PREX2: variants seen among roughly 807,000 people sequenced by gnomAD.
PREX2 encodes phosphatidylinositol 3,4,5-trisphosphate-dependent Rac exchanger 2 protein.
Under a neutral mutation model 203.2 loss-of-function variants are expected in PREX2, and 107 were observed. That is an observed-to-expected ratio of 0.53 (90% confidence interval 0.45 to 0.62). PREX2 has a LOEUF of 0.62. Among genes scored for constraint, PREX2 ranks in the 20% least tolerant of loss-of-function variants. The probability of loss-of-function intolerance (pLI) is 0.00; values close to 1 mark genes in which losing one functional copy is unlikely to be tolerated. For synonymous variants in PREX2, 672 were observed against 663.6 expected (o/e 1.01, Z -0.19); for missense variants, 1,777 against 1,955.9 (o/e 0.91, Z 1.72).
At chr8:67,982,934 T>A (rs1432256939) in intron 1 of PREX2, among the ~76,000 whole-genome samples, 2 of 152,236 alleles carry the variant, frequency 1.3e-5, no homozygotes, top group Non-Finnish European at 2.9e-5. Context: ...GCCTTTAGCA[T>A]CTTCTTTGTG....
At chr8:68,159,316 A>G (rs1811607901) in intron 35 of PREX2, among the ~76,000 whole-genome samples, 1 of 152,220 alleles carries the variant, frequency 6.6e-6, no homozygotes. Flanking sequence ...GAACCAATTT[A>G]TTTGCAAAAT....
chr8:68,186,060 A>C (rs796395519), intron 35 of PREX2, among the ~76,000 whole-genome samples: 3 of 123,038 alleles, frequency 2.4e-5, no homozygotes, highest in African/African-American at 9.8e-5. Flanking sequence ...TGTCCTGTCC[A>C]CAGTTTGTCA....
chr8:67,976,882 C>T (rs1402656740), intron 1 of PREX2, among the ~76,000 whole-genome samples: 4 of 152,018 alleles, frequency 2.6e-5, no homozygotes, highest in Non-Finnish European at 4.4e-5. Context: ...GTGATGGAGC[C>T]ATCTTAAAAA....
In PREX2 at chr8:68,114,802, C is replaced by T. The variant is rs185892212; in HGVS notation, c.3147-951C>T. ...CCCAAGGCCAAGACTCCTGTTTGTA[C>T]GAGCAGGGAGACGGATAGACAATCC... On this transcript the variant is annotated intron_variant, in intron 25 of 39. Coordinates refer to ENST00000288368, the MANE Select transcript of PREX2 (RefSeq NM_024870.4). 4.7e-4 allele frequency among the ~76,000 whole-genome samples: 72 copies of T among 152,214 alleles called. 1 individual carries two copies. The South Asian group carries it at 0.012, about 26-fold the overall frequency.
At chr8:68,032,087 G>A (rs1180850180) in intron 6 of PREX2, among the ~76,000 whole-genome samples, 1 of 152,118 alleles carries the variant, frequency 6.6e-6, no homozygotes, top group Admixed American at 6.6e-5. Context: ...TTACTCAAAG[G>A]AAGAATGAAT....
At chr8:68,158,749 T>G (rs1811597706) in intron 35 of PREX2, among the ~76,000 whole-genome samples, 2 of 152,182 alleles carry the variant, frequency 1.3e-5, no homozygotes, top group African/African-American at 2.4e-5. Flanking sequence ...GCCTGTTAAT[T>G]AAAATAGCTT....
At chr8:67,967,859 C>A (rs1805818041) in intron 1 of PREX2, among the ~76,000 whole-genome samples, 1 of 152,084 alleles carries the variant, frequency 6.6e-6, no homozygotes, top group Admixed American at 6.5e-5. Flanking sequence ...CATGTTCTCA[C>A]TCATAGGTGG....
intron 1 of PREX2, among the ~76,000 whole-genome samples, chr8:67,964,047 C>G (rs1805704174): frequency 6.6e-6 from 1 of 152,114 alleles, no homozygotes; most frequent in Non-Finnish European, 1.5e-5. Context: ...TGTAGATTCT[C>G]TAGGTGTTTC....
chr8:68,226,817 G>A (rs988222899), intron 39 of PREX2, among the ~76,000 whole-genome samples: 1 of 152,204 alleles, frequency 6.6e-6, no homozygotes, highest in Non-Finnish European at 1.5e-5. Flanking sequence ...TGAGAACACA[G>A]AGAAGGGACA....
intron 26 of PREX2, 46 bp from the exon 27 acceptor site, chr8:68,118,504 C>G (rs1347905544): frequency 1.6e-6 from 2 of 1,270,594 alleles, no homozygotes; most frequent in South Asian, 1.2e-5. Flanking sequence ...GCAGGGACAC[C>G]TGGGCAGATG....
intron 10 of PREX2, 46 bp downstream of exon 10, chr8:68,056,020 T>A: frequency 6.5e-7 from 1 of 1,535,816 alleles, no homozygotes; most frequent in Non-Finnish European, 8.8e-7. Context: ...ACATTCTCAT[T>A]GTCTCACCTG....
chr8:68,097,112 G>A lies in PREX2; in HGVS notation c.2464G>A (p.Val822Met), dbSNP rs190776975. 29 of 1,613,980 alleles carry A rather than the reference G, an allele frequency of 1.8e-5. No individual in the cohort carries two copies. Among genetic ancestry groups the A allele is most frequent in the African/African-American group, 2.7e-5 (2 of 75,022 alleles). ...VDNVHLEYGVVYEYDSTAGIK... is the reference protein window; with the variant it reads ...VDNVHLEYGVMYEYDSTAGIK... The stretch of plus-strand genomic sequence containing the variant: ...CAATGTCCACCTGGAATATGGTGTC[G>A]TGTATGAGTACGACAGCACAGCTGG... The change falls in exon 22 of 40, where the codon GTG (valine) becomes ATG (methionine). Residue 822 changes from valine (V) to methionine (M), a missense_variant. Physicochemically the swap from Val to Met is conservative, Grantham distance 21. Transcript: ENST00000288368.
chr8:67,999,620 G>A (rs573684450), intron 1 of PREX2, among the ~76,000 whole-genome samples: 1 of 152,002 alleles, frequency 6.6e-6, no homozygotes, highest in East Asian at 1.9e-4. Context: ...CATTCTATGA[G>A]GCCAGCATCA....
At chr8:68,073,738 T>C (rs1809266926) in intron 14 of PREX2, among the ~76,000 whole-genome samples, 2 of 152,208 alleles carry the variant, frequency 1.3e-5, no homozygotes, top group Admixed American at 1.3e-4. Flanking sequence ...ATGTTCATTA[T>C]TGGAGTTGGA....
intron 1 of PREX2, among the ~76,000 whole-genome samples, chr8:67,985,758 A>G (rs1408391620): frequency 6.6e-6 from 1 of 152,142 alleles, no homozygotes. Flanking sequence ...TGCAGAGGAC[A>G]GTTTCAGGGT....
intron 32 of PREX2, among the ~76,000 whole-genome samples, chr8:68,135,888 C>A (rs930277095): frequency 1.3e-5 from 2 of 151,998 alleles, no homozygotes; most frequent in Non-Finnish European, 2.9e-5. Context: ...GAATATTATT[C>A]AGCAATAAAA....
intron 19 of PREX2, among the ~76,000 whole-genome samples, chr8:68,088,514 G>A (rs1271956106): frequency 1.3e-5 from 2 of 152,104 alleles, no homozygotes; most frequent in Non-Finnish European, 2.9e-5. Context: ...ACTAAAGAAT[G>A]TAAAGTATCT....
chr8:68,118,839 G>A, intron 27 of PREX2, 195 bp downstream of exon 27: 1 of 718,484 alleles, frequency 1.4e-6, no homozygotes, highest in Non-Finnish European at 2.6e-6. Context: ...AAGGGAGTGA[G>A]TTAAAAAGCA....
At chr8:67,959,951 C>T (rs1296316402) in intron 1 of PREX2, among the ~76,000 whole-genome samples, 2 of 152,150 alleles carry the variant, frequency 1.3e-5, no homozygotes, top group African/African-American at 4.8e-5. Context: ...TTGATAATAC[C>T]TCACAGGGCT....
Sources: allele counts gnomAD v4.1 joint callset (sites outside exome capture counted in the v4.1 genomes callset), GRCh38; gene constraint gnomAD v4.1.1; transcripts MANE v1.5; gene names NCBI Gene and HGNC (gene_info 2026-07-23, HGNC 2026-07-21).